The following SPSB1 variants were observed in gnomAD, a reference collection of about 807,000 sequenced individuals.
SPSB1 encodes splA/ryanodine receptor domain and SOCS box containing 1, also known as SPRY domain-containing SOCS box protein 1.
SPSB1 carries 8 observed loss-of-function variants against 21.2 expected under a neutral mutation model. The ratio of observed to expected loss-of-function variants is 0.38; its 90% CI spans 0.22 to 0.68. The LOEUF (loss-of-function observed/expected upper bound fraction) is 0.68. Among genes scored for constraint, SPSB1 ranks in the 30% least tolerant of loss-of-function variants. The pLI is 0.53. For missense variants in SPSB1, 242 were observed against 377.8 expected, an observed-to-expected ratio of 0.64 and a Z score of 2.98; for synonymous variants, 169 against 161.7, an observed-to-expected ratio of 1.05 and a Z score of -0.34.
chr1:9,352,541 A>G (rs1207354573), intron 1 of SPSB1, among the ~76,000 whole-genome samples: 1 of 152,114 alleles, frequency 6.6e-6, no homozygotes, highest in Non-Finnish European at 1.5e-5. Context: ...AAAGCCAGGC[A>G]TTTACTATCG....
intron 1 of SPSB1, among the ~76,000 whole-genome samples, chr1:9,323,925 T>C (rs1028563722): frequency 2.6e-5 from 4 of 152,092 alleles, no homozygotes; most frequent in Admixed American, 1.3e-4. Context: ...CCATGGGAAA[T>C]TCAGGGGGTC....
At chr1:9,331,472 AG>A (rs1260352006) in intron 1 of SPSB1, among the ~76,000 whole-genome samples, 1 of 151,784 alleles carries the variant, frequency 6.6e-6, no homozygotes, top group African/African-American at 2.4e-5. Flanking sequence ...CTGGGATTAC[AG>A]GCATGCGCCA....
At chr1:9,314,175 C>CAAAAAAAAAAAA (rs58276325) in intron 1 of SPSB1, among the ~76,000 whole-genome samples, 1 of 138,770 alleles carries the variant, frequency 7.2e-6, no homozygotes, top group African/African-American at 2.8e-5. Flanking sequence ...GACTCTATCT[C>CAAAAAAAAAAAA]AAAAAAAAAA....
At chr1:9,333,328 C>A (rs1417285343) in intron 1 of SPSB1, among the ~76,000 whole-genome samples, 1 of 126,518 alleles carries the variant, frequency 7.9e-6, no homozygotes. Flanking sequence ...TTGTCAGCTT[C>A]TTTTTTTTTT....
At chr1:9,337,819 C>G (rs60234846) in intron 1 of SPSB1, among the ~76,000 whole-genome samples, 59,834 of 152,050 alleles carry the variant, frequency 0.39, 11,914 homozygotes, top group South Asian at 0.5. Flanking sequence ...TCTCCTGGGA[C>G]GCCCCATGAA....
chr1:9,361,164 T>C (rs1359313152), intron 2 of SPSB1, among the ~76,000 whole-genome samples: 5 of 137,164 alleles, frequency 3.6e-5, no homozygotes, highest in East Asian at 4.2e-4. Flanking sequence ...TTCTTTTTTT[T>C]TTTTTTTTTT....
intron 1 of SPSB1, among the ~76,000 whole-genome samples, chr1:9,323,645 G>T (rs1362452904): frequency 6.6e-6 from 1 of 152,216 alleles, no homozygotes; most frequent in Admixed American, 6.5e-5. Context: ...GCATGGAGAT[G>T]GTCTTGCACA....
At chr1:9,311,346 G>C (rs1639517047) in intron 1 of SPSB1, among the ~76,000 whole-genome samples, 1 of 152,016 alleles carries the variant, frequency 6.6e-6, no homozygotes, top group Admixed American at 6.6e-5. Flanking sequence ...ATGGGTCTCG[G>C]CGTGGCTGAG....
intron 1 of SPSB1, among the ~76,000 whole-genome samples, chr1:9,350,506 C>T (rs376509397): frequency 4.6e-5 from 7 of 152,354 alleles, no homozygotes; most frequent in South Asian, 4.1e-4. Flanking sequence ...TGGACTATGA[C>T]GCCTCTGTCC....
At chr1:9,319,021 C>T (rs1639660873) in intron 1 of SPSB1, among the ~76,000 whole-genome samples, 1 of 151,650 alleles carries the variant, frequency 6.6e-6, no homozygotes, top group South Asian at 2.1e-4. Flanking sequence ...ACTAAAAATA[C>T]AAAAAAATTA....
At chr1:9,334,141 G>A (rs1445340449) in intron 1 of SPSB1, among the ~76,000 whole-genome samples, 2 of 151,986 alleles carry the variant, frequency 1.3e-5, no homozygotes, top group East Asian at 1.9e-4. Flanking sequence ...GCTGGAGTGC[G>A]GTGGTGCGAT....
intron 2 of SPSB1, among the ~76,000 whole-genome samples, chr1:9,360,713 C>T (rs1471533116): frequency 6.6e-6 from 1 of 152,218 alleles, no homozygotes; most frequent in Non-Finnish European, 1.5e-5. Context: ...CTTAGAGGGA[C>T]ACCAGCCATT....
chr1:9,315,652 GAT>G (rs1157276470), intron 1 of SPSB1, among the ~76,000 whole-genome samples: 2 of 152,068 alleles, frequency 1.3e-5, no homozygotes, highest in Non-Finnish European at 2.9e-5. Context: ...CCACCTGTGG[GAT>G]GCAGCCTGGT....
In SPSB1 at chr1:9,367,330, T is replaced by G; in HGVS notation, c.695-118T>G. 5.2e-6 allele frequency: 8 copies of G among 1,528,640 alleles called. No individual in the cohort carries two copies. The highest frequency in any genetic ancestry group is 1.1e-5 in the South Asian group (1 of 87,906). The allele number at this position is 1,528,640 out of a possible 1,614,324, so 94.7% of individuals were successfully genotyped here. ...AAATGAAAAAGCATTGCATTTTTCA[T>G]TGTTTCTTTACTGATTTGAGTGAAT... On this transcript the variant is annotated intron_variant, in intron 2 of 2. Coordinates refer to ENST00000328089, the MANE Select transcript of SPSB1 (RefSeq NM_025106.4). This position sits in a 1 kb window ranked among gnomAD's most constrained non-coding sequence, Gnocchi z 5.9.
Position 9,329,649 on chromosome 1 carries a change from C to T in SPSB1, c.-149-26094C>T, listed in dbSNP as rs148684133. Among the ~76,000 whole-genome samples the T allele has an allele frequency of 8.2e-4, 123 of 149,808 alleles. 1 individual carries two copies. The Middle Eastern group carries it at 0.01, about 12-fold the overall frequency. ...GGGAGGTTGCAGTGAGCCGAGATCA[C>T]ACCACTGCACTCCAGCCTGGGTGAC... is the stretch of plus-strand genomic sequence containing the variant. On this transcript the variant is annotated intron_variant, in intron 1 of 2. Coordinates refer to ENST00000328089, the MANE Select transcript of SPSB1 (RefSeq NM_025106.4).
chr1:9,330,110 C>T (rs780155431), intron 1 of SPSB1, among the ~76,000 whole-genome samples: 2 of 152,112 alleles, frequency 1.3e-5, no homozygotes, highest in East Asian at 1.9e-4. Flanking sequence ...AGATCAGTGG[C>T]GTAAATAATT....
intron 2 of SPSB1, among the ~76,000 whole-genome samples, chr1:9,362,109 A>C (rs553128401): frequency 6.6e-6 from 1 of 152,044 alleles, no homozygotes; most frequent in Non-Finnish European, 1.5e-5. Flanking sequence ...TCCTTCCTGC[A>C]CTCCACTCCA....
chr1:9,294,004 A>G (rs1570162039), intron 1 of SPSB1, among the ~76,000 whole-genome samples: 2 of 148,922 alleles, frequency 1.3e-5, no homozygotes, highest in Non-Finnish European at 3.0e-5. Flanking sequence ...GTGTCTGTCA[A>G]TGTGTGCCTG....
chr1:9,333,399 C>T (rs1273434794), intron 1 of SPSB1, among the ~76,000 whole-genome samples: 5 of 146,742 alleles, frequency 3.4e-5, no homozygotes, highest in Admixed American at 2.1e-4. Context: ...GGTGTGATCT[C>T]GGCTCACTGC....
Sources: gnomAD v4.1 joint callset for allele counts (sites outside exome capture counted in the v4.1 genomes callset) on GRCh38, gnomAD v4.1.1 for gene constraint, Gnocchi (gnomAD v3.1) non-coding constraint, MANE v1.5 for transcripts, NCBI Gene and HGNC (gene_info 2026-07-23, HGNC 2026-07-21) for gene names.